The following VOPP1 variants were observed in gnomAD, a reference collection of about 807,000 sequenced individuals.
VOPP1 encodes VOPP1 WW domain binding protein, also known as WW domain binding protein VOPP1.
A neutral mutation model predicts 23.5 loss-of-function variants in VOPP1; 8 were observed. The ratio of observed to expected loss-of-function variants is 0.34; its 90% CI spans 0.20 to 0.61. VOPP1 has a LOEUF of 0.61. VOPP1 is among the 20% of genes least tolerant of loss of function. The pLI, the probability that VOPP1 is intolerant of heterozygous loss-of-function variation, is 0.78. For synonymous variants in VOPP1, 83 were observed against 97.3 expected (o/e 0.85, Z 0.86); for missense variants, 174 against 238.1 (o/e 0.73, Z 1.77).
At chr7:55,515,834 T>C (rs534249060) in intron 2 of VOPP1, 478 of 356,636 alleles carry the variant, frequency 1.3e-3, no homozygotes, top group South Asian at 1.9e-3. Context: ...GGCTCTTCTC[T>C]GACAAACGCC....
chr7:55,474,335 G>C (rs1792072776), intron 4 of VOPP1, among the ~76,000 whole-genome samples: 1 of 152,182 alleles, frequency 6.6e-6, no homozygotes, highest in South Asian at 2.1e-4. Context: ...GTTTTATTTA[G>C]ATCTGGATCC....
intron 2 of VOPP1, among the ~76,000 whole-genome samples, chr7:55,517,488 G>A (rs1216260642): frequency 6.6e-6 from 1 of 152,092 alleles, no homozygotes; most frequent in Non-Finnish European, 1.5e-5. Flanking sequence ...CAGAGGCCAG[G>A]CCGGCAGCAG....
chr7:55,446,120 G>A (rs1275697333), intron 4 of VOPP1, among the ~76,000 whole-genome samples: 2 of 151,528 alleles, frequency 1.3e-5, no homozygotes, highest in Non-Finnish European at 2.9e-5. Context: ...AGACTCCCAA[G>A]TAGCTGGGAC....
chr7:55,543,068 A>C (rs1211696710), intron 1 of VOPP1, among the ~76,000 whole-genome samples: 1 of 151,948 alleles, frequency 6.6e-6, no homozygotes, highest in Non-Finnish European at 1.5e-5. Flanking sequence ...GGCACCTGCC[A>C]CCACGCCCGG....
In VOPP1 at chr7:55,442,677, G is replaced by C. The variant is rs1210720669; in HGVS notation, n.418-6503C>G. On this transcript the variant is annotated intron_variant and non_coding_transcript_variant, in intron 4 of 4. Coordinates refer to the VOPP1 transcript ENST00000462326. ...CAAAAAAAAAAAAAAACCTAAATCT[G>C]ATCAAGGTTCTCTATCTACCAATTT... Among the ~76,000 whole-genome samples, 3 of 150,712 alleles carry C rather than the reference G, an allele frequency of 2.0e-5. No individual in the cohort carries two copies. The East Asian group carries it at 5.8e-4, about 29-fold the overall frequency.
chr7:55,551,732 T>A (rs1467815490), intron 1 of VOPP1, among the ~76,000 whole-genome samples: 1 of 151,784 alleles, frequency 6.6e-6, no homozygotes, highest in Non-Finnish European at 1.5e-5. Flanking sequence ...AAGGAGGAAA[T>A]TATCAAATAC....
chr7:55,446,024 G>A (rs1053591496), intron 4 of VOPP1, among the ~76,000 whole-genome samples: 9 of 139,216 alleles, frequency 6.5e-5, no homozygotes, highest in African/African-American at 1.6e-4. Context: ...ACGGAGTCTC[G>A]CTCTGTCGCC....
intron 2 of VOPP1, among the ~76,000 whole-genome samples, chr7:55,516,881 G>A (rs1325407793): frequency 2.5e-5 from 3 of 118,518 alleles, no homozygotes; most frequent in Non-Finnish European, 5.0e-5. Flanking sequence ...TACTAGAAAT[G>A]TACTTTTTAG....
intron 1 of VOPP1, among the ~76,000 whole-genome samples, chr7:55,558,434 C>T (rs1427410116): frequency 1.3e-5 from 2 of 152,122 alleles, no homozygotes; most frequent in African/African-American, 4.8e-5. Flanking sequence ...CCTTAAACTT[C>T]CATCAGACAA....
chr7:55,437,029 G>T (rs1292745749), intron 4 of VOPP1, among the ~76,000 whole-genome samples: 1 of 152,206 alleles, frequency 6.6e-6, no homozygotes, highest in Non-Finnish European at 1.5e-5. Context: ...CGTGTCCCGA[G>T]CAGCATAATC....
rs149199620 is a variant in VOPP1, at chr7:55,454,075, T to C, written n.418-17901A>G. Reference sequence around the variant, plus strand: ...GACATATAACAATTATATGCATTTATGGGGTATATGTCATATTTTGAGACA... The same window carrying C: ...GACATATAACAATTATATGCATTTACGGGGTATATGTCATATTTTGAGACA... On this transcript the variant is annotated intron_variant and non_coding_transcript_variant, in intron 4 of 4. Coordinates refer to the VOPP1 transcript ENST00000462326. Among the ~76,000 whole-genome samples, 988 of 152,312 alleles carry C rather than the reference T, an allele frequency of 6.5e-3. 9 individuals are homozygous for C. Among genetic ancestry groups the C allele is most frequent in the Middle Eastern group, 0.017 (5 of 294 alleles).
chr7:55,497,821 T>C, intron 2 of VOPP1, 131 bp from the exon 3 acceptor site: 1 of 724,024 alleles, frequency 1.4e-6, no homozygotes, highest in Non-Finnish European at 2.4e-6. Flanking sequence ...AGGACAGAAC[T>C]GCCTCCACTG....
At chr7:55,507,903 C>T (rs1794836915) in intron 2 of VOPP1, among the ~76,000 whole-genome samples, 1 of 152,124 alleles carries the variant, frequency 6.6e-6, no homozygotes, top group Non-Finnish European at 1.5e-5. Flanking sequence ...GGCCTGAGCC[C>T]GAGACGTTGA....
intron 1 of VOPP1, among the ~76,000 whole-genome samples, chr7:55,539,154 G>C (rs1304534553): frequency 6.6e-6 from 1 of 152,054 alleles, no homozygotes; most frequent in African/African-American, 2.4e-5. Context: ...GACCAGCCTG[G>C]GCAACATGGT....
At chr7:55,469,058 T>C (rs1791708470), downstream of VOPP1, among the ~76,000 whole-genome samples, 2 of 152,228 alleles carry the variant, frequency 1.3e-5, no homozygotes, top group African/African-American at 4.8e-5. Context: ...AGAATCTAGG[T>C]AGTGGGTTTA....
intron 2 of VOPP1, among the ~76,000 whole-genome samples, 171 bp from the exon 3 acceptor site, chr7:55,497,861 C>T (rs1794086738): frequency 6.6e-6 from 1 of 152,254 alleles, no homozygotes; most frequent in Non-Finnish European, 1.5e-5. Context: ...AGCAGAATGA[C>T]ATCAGCCTGT....
At chr7:55,562,848 C>A (rs965788682) in intron 1 of VOPP1, among the ~76,000 whole-genome samples, 2 of 152,160 alleles carry the variant, frequency 1.3e-5, no homozygotes, top group African/African-American at 4.8e-5. Flanking sequence ...TTTTTGTCAA[C>A]GCACGCCTTG....
At chr7:55,568,081 CT>C (rs60284804) in intron 1 of VOPP1, among the ~76,000 whole-genome samples, 73 of 124,012 alleles carry the variant, frequency 5.9e-4, no homozygotes, top group African/African-American at 1.6e-3. Flanking sequence ...ACAACTATTC[CT>C]TTTTTTTTTT....
intron 4 of VOPP1, among the ~76,000 whole-genome samples, chr7:55,462,308 C>T (rs1273899158): frequency 1.3e-5 from 2 of 152,098 alleles, no homozygotes; most frequent in Non-Finnish European, 2.9e-5. Flanking sequence ...TGAAATGTTC[C>T]TCAAGTGATA....
Sources: allele counts gnomAD v4.1 joint callset (sites outside exome capture counted in the v4.1 genomes callset), GRCh38; gene constraint gnomAD v4.1.1; transcripts MANE v1.5; gene names NCBI Gene and HGNC (gene_info 2026-07-23, HGNC 2026-07-21).